CIT: variants seen among roughly 807,000 people sequenced by gnomAD.
The protein encoded by CIT is citron Rho-interacting kinase.
CIT carries 79 observed loss-of-function variants against 272.7 expected under a neutral mutation model. The observed-to-expected ratio is 0.29, with a 90% CI of 0.24 to 0.35. CIT has a LOEUF of 0.35. Among genes scored for constraint, CIT ranks in the 10% least tolerant of loss-of-function variants. The pLI is 1.00. For missense variants in CIT, 1,909 were observed against 2,618.3 expected (o/e 0.73, Z 5.91); for synonymous variants, 948 against 995.6 (o/e 0.95, Z 0.90).
chr12:119,721,009 C>G (rs1039540528), intron 29 of CIT, among the ~76,000 whole-genome samples: 8 of 152,128 alleles, frequency 5.3e-5, no homozygotes, highest in Non-Finnish European at 1.0e-4. Context: ...CTCTGTTGCC[C>G]GGGCTGGAGT....
At chr12:119,720,396 A>G in intron 30 of CIT, 82 bp downstream of exon 30, 1 of 906,256 alleles carries the variant, frequency 1.1e-6, no homozygotes, top group South Asian at 1.6e-5. Context: ...TGTTCCTATG[A>G]TCATATATCA....
intron 24 of CIT, among the ~76,000 whole-genome samples, chr12:119,741,479 A>G (rs1273689797): frequency 6.6e-6 from 1 of 152,240 alleles, no homozygotes; most frequent in Admixed American, 6.5e-5. Flanking sequence ...TTACTACATT[A>G]TTATGTGCTT....
At chr12:119,740,966 A>C (rs1462095332) in intron 24 of CIT, among the ~76,000 whole-genome samples, 1 of 152,062 alleles carries the variant, frequency 6.6e-6, no homozygotes, top group Admixed American at 6.6e-5. Flanking sequence ...ACAGAGGCAA[A>C]TCTCATGACC....
At chr12:119,842,831 TA>T (rs1969501204) in intron 5 of CIT, among the ~76,000 whole-genome samples, 1 of 152,224 alleles carries the variant, frequency 6.6e-6, no homozygotes, top group African/African-American at 2.4e-5. Context: ...GCAAGTTCCG[TA>T]ATACAATAAG....
At position 119,857,287 on chromosome 12, in the gene CIT, TACA is replaced by T. The variant is rs1458460022; in HGVS notation, c.414+233_414+235del. Among the ~76,000 whole-genome samples the T allele has an allele frequency of 3.9e-5, 6 of 152,304 alleles. No individual in the cohort carries two copies. The South Asian group carries it at 8.3e-4, about 21-fold the overall frequency. On this transcript the variant is annotated intron_variant, in intron 4 of 47. Transcript: ENST00000392521. ...AGGCCACCTTGGTTCTGAAATAAATTACAACGATAGAAACATGATACATCAAGA... is the reference window on the plus strand; with the variant it reads ...AGGCCACCTTGGTTCTGAAATAAATTACGATAGAAACATGATACATCAAGA...
At chr12:119,700,650 G>A (rs1956505820) in intron 44 of CIT, 95 bp downstream of exon 44, 3 of 1,020,700 alleles carry the variant, frequency 2.9e-6, no homozygotes, top group African/African-American at 1.6e-5. Context: ...CAAAGTGTTG[G>A]GATTACAGGC....
intron 10 of CIT, among the ~76,000 whole-genome samples, chr12:119,787,265 T>C (rs568421747): frequency 1.3e-5 from 2 of 152,072 alleles, no homozygotes; most frequent in East Asian, 1.9e-4. Context: ...GCCGTCTCTA[T>C]AAAAAATGTT....
chr12:119,772,041 T>C (rs1171889497), intron 17 of CIT, among the ~76,000 whole-genome samples: 3 of 151,974 alleles, frequency 2.0e-5, no homozygotes, highest in South Asian at 2.1e-4. Flanking sequence ...TGCAGATGAA[T>C]GTGGGTGAGG....
At chr12:119,794,053 G>A (rs1285517847) in intron 10 of CIT, among the ~76,000 whole-genome samples, 4 of 152,160 alleles carry the variant, frequency 2.6e-5, no homozygotes, top group Admixed American at 2.6e-4. Context: ...CTCATGCTCA[G>A]CTCAGAGAAC....
intron 10 of CIT, among the ~76,000 whole-genome samples, chr12:119,786,360 C>T (rs1007949347): frequency 6.6e-6 from 1 of 152,208 alleles, no homozygotes; most frequent in Admixed American, 6.5e-5. Flanking sequence ...CTTACCCACA[C>T]TCATCTATGT....
chr12:119,743,570 T>A (rs1196665532), intron 23 of CIT, among the ~76,000 whole-genome samples: 2 of 152,200 alleles, frequency 1.3e-5, no homozygotes, highest in African/African-American at 2.4e-5. Context: ...ATTGAAAACA[T>A]CAGAATGTGC....
intron 32 of CIT, among the ~76,000 whole-genome samples, chr12:119,717,806 T>C (rs1957591431): frequency 1.3e-5 from 2 of 148,202 alleles, no homozygotes; most frequent in South Asian, 4.3e-4. Flanking sequence ...GAACCAACAC[T>C]GAGGATGGGG....
chr12:119,820,600 G>A (rs1967618014), intron 9 of CIT, among the ~76,000 whole-genome samples: 1 of 152,110 alleles, frequency 6.6e-6, no homozygotes, highest in South Asian at 2.1e-4. Context: ...AAAACTGGGT[G>A]AAGGGTATGT....
At chr12:119,803,547 A>C in intron 9 of CIT, 158 bp from the exon 10 acceptor site, 1 of 517,460 alleles carries the variant, frequency 1.9e-6, no homozygotes, top group Non-Finnish European at 3.4e-6. Context: ...CTACAGCAAC[A>C]AGAGATTAAC....
intron 44 of CIT, among the ~76,000 whole-genome samples, chr12:119,700,381 G>GT (rs1223230907): frequency 9.9e-5 from 15 of 151,914 alleles, no homozygotes; most frequent in South Asian, 6.2e-4. Context: ...TGCAATTGCG[G>GT]TTTTTTTTGT....
intron 9 of CIT, among the ~76,000 whole-genome samples, chr12:119,805,204 T>C (rs1353867696): frequency 1.3e-5 from 2 of 152,126 alleles, no homozygotes; most frequent in East Asian, 3.8e-4. Context: ...ATGATACTAA[T>C]ATGGAAGCAA....
intron 23 of CIT, among the ~76,000 whole-genome samples, chr12:119,743,762 A>G (rs1959168597): frequency 6.6e-6 from 1 of 152,202 alleles, no homozygotes; most frequent in South Asian, 2.1e-4. Context: ...TTGATTTCAG[A>G]TGCCTTAGAA....
intron 10 of CIT, among the ~76,000 whole-genome samples, chr12:119,789,010 G>C (rs1285358273): frequency 6.6e-6 from 1 of 152,160 alleles, no homozygotes; most frequent in African/African-American, 2.4e-5. Flanking sequence ...GATGAGGCTG[G>C]AGAGTAAAGG....
In CIT at chr12:119,706,028, T is replaced by G. The variant is rs1956861302; in HGVS notation, c.5212-1573A>C. Among the ~76,000 whole-genome samples, 3 of 148,808 alleles carry G rather than the reference T, an allele frequency of 2.0e-5. No individual in the cohort carries two copies. The South Asian group carries it at 6.3e-4, about 31-fold the overall frequency. On this transcript the variant is annotated intron_variant, in intron 40 of 47. Coordinates refer to ENST00000392521, the MANE Select transcript of CIT (RefSeq NM_001206999.2). ...TCGCTTAAAGCCGGGAGGCAGAGGC[T>G]ACAGTGAGCCAAGATCGTGCCGCTG...
Sources: gnomAD v4.1 joint callset for allele counts (sites outside exome capture counted in the v4.1 genomes callset) on GRCh38, gnomAD v4.1.1 for gene constraint, MANE v1.5 for transcripts, NCBI Gene and HGNC (gene_info 2026-07-23, HGNC 2026-07-21) for gene names.